Variants in SYT14 observed in about 807,000 individuals in gnomAD.
SYT14 encodes the protein synaptotagmin-14.
In SYT14, 32 loss-of-function variants were observed where a neutral mutation model predicts 74.2. The observed-to-expected ratio is 0.43, with a 90% CI of 0.33 to 0.58. The LOEUF (loss-of-function observed/expected upper bound fraction) is 0.58, where lower values mean the gene tolerates loss of function less well. Ranked by LOEUF, SYT14 falls within the 20% of genes least tolerant of loss-of-function variation. SYT14 has a pLI of 0.05. For synonymous variants in SYT14, 298 were observed against 337.7 expected (o/e 0.88, Z 1.29); for missense variants, 791 against 981.8 (o/e 0.81, Z 2.60).
At chr1:210,154,676 G>C (rs1307663626) in intron 7 of SYT14, among the ~76,000 whole-genome samples, 1 of 151,492 alleles carries the variant, frequency 6.6e-6, no homozygotes. Flanking sequence ...TTATCATTTA[G>C]TTACCTATGG....
intron 5 of SYT14, among the ~76,000 whole-genome samples, chr1:210,089,827 T>C (rs568644714): frequency 2.4e-4 from 36 of 152,184 alleles, no homozygotes; most frequent in Admixed American, 3.9e-4. Flanking sequence ...AATCAAGCAA[T>C]GAACGCATAG....
chr1:209,959,030 A>G (rs1035275880), intron 2 of SYT14, among the ~76,000 whole-genome samples: 7 of 152,354 alleles, frequency 4.6e-5, no homozygotes, highest in African/African-American at 1.7e-4. Context: ...TAGAGTTACC[A>G]TATAACCCAG....
At chr1:210,031,352 A>G (rs936031363) in intron 5 of SYT14, among the ~76,000 whole-genome samples, 5 of 151,714 alleles carry the variant, frequency 3.3e-5, no homozygotes, top group African/African-American at 1.2e-4. Flanking sequence ...GGATTTTTGA[A>G]TCTTTCTTCA....
At chr1:210,062,522 A>G (rs186139501) in intron 5 of SYT14, among the ~76,000 whole-genome samples, 1 of 152,014 alleles carries the variant, frequency 6.6e-6, no homozygotes, top group East Asian at 1.9e-4. Flanking sequence ...TGTTTCTAAC[A>G]TATTTTTCAA....
intron 6 of SYT14, among the ~76,000 whole-genome samples, chr1:210,095,302 G>C (rs2081949849): frequency 6.6e-6 from 1 of 152,172 alleles, no homozygotes; most frequent in African/African-American, 2.4e-5. Flanking sequence ...TTGAGACAGA[G>C]TCTGTCTCTG....
intron 7 of SYT14, among the ~76,000 whole-genome samples, chr1:210,131,383 T>C (rs1310862696): frequency 2.0e-5 from 3 of 152,102 alleles, no homozygotes; most frequent in Non-Finnish European, 4.4e-5. Context: ...CTTATTAATA[T>C]ATGTAGAACT....
intron 7 of SYT14, among the ~76,000 whole-genome samples, chr1:210,104,370 T>C (rs1335958907): frequency 6.6e-6 from 1 of 152,250 alleles, no homozygotes; most frequent in Admixed American, 6.5e-5. Flanking sequence ...TATTCCACTT[T>C]ATGAGTCAGA....
chr1:209,985,826 AG>A (rs1319973499), intron 2 of SYT14, among the ~76,000 whole-genome samples: 1 of 152,230 alleles, frequency 6.6e-6, no homozygotes, highest in Non-Finnish European at 1.5e-5. Context: ...GAAGCCTCCA[AG>A]GCTTACAGCT....
At chr1:210,159,184 TA>T (rs74911973) in intron 8 of SYT14, among the ~76,000 whole-genome samples, 1 of 151,878 alleles carries the variant, frequency 6.6e-6, no homozygotes, top group African/African-American at 2.4e-5. Flanking sequence ...TGTCCCCCTT[TA>T]AAAAAATGTA....
At chr1:209,981,403 T>C (rs1392869422) in intron 2 of SYT14, among the ~76,000 whole-genome samples, 1 of 151,840 alleles carries the variant, frequency 6.6e-6, no homozygotes, top group Non-Finnish European at 1.5e-5. Context: ...AATATGAAAT[T>C]CTTTGTTGAA....
chr1:209,945,583 A>T (rs1268237945), intron 1 of SYT14, among the ~76,000 whole-genome samples: 1 of 152,204 alleles, frequency 6.6e-6, no homozygotes, highest in Non-Finnish European at 1.5e-5. Flanking sequence ...GCTCTGACTA[A>T]TGCATGTGCT....
rs1049684710 is a variant in SYT14, at chr1:210,021,353, G to A, written c.1312+99G>A. ...ATCTGTGGTTGCAGAATAAACAAGAGAGCACATACAGTACAGTCACATTTC... is the reference window on the plus strand; with the variant it reads ...ATCTGTGGTTGCAGAATAAACAAGAAAGCACATACAGTACAGTCACATTTC... On this transcript the variant is annotated intron_variant, in intron 5 of 9. Coordinates refer to ENST00000637265, the Ensembl canonical transcript of SYT14. 1.1e-5 allele frequency: 12 copies of A among 1,079,686 alleles called. No homozygotes were observed. The African/African-American group carries it at 1.9e-4, about 17-fold the overall frequency. The allele number at this position is 1,079,686 out of a possible 1,614,324, so 66.9% of individuals were successfully genotyped here. A position where few individuals can be genotyped will look rare whatever the true frequency, so the allele number is the denominator to read the frequency against.
In SYT14 at chr1:209,974,975, T is replaced by C. The variant is rs558895567; in HGVS notation, c.-486+22219T>C. ...AGGTATTTTACTCTTTTTGAAGCAA[T>C]TGTGAATGGGAGTTCACTCATGATT... On this transcript the variant is annotated intron_variant, in intron 2 of 9. Coordinates refer to ENST00000637265, the Ensembl canonical transcript of SYT14. Among the ~76,000 whole-genome samples, 117 of 152,322 alleles carry C rather than the reference T, an allele frequency of 7.7e-4. 1 individual carries two copies. Among genetic ancestry groups the C allele is most frequent in the Non-Finnish European group, 4.1e-4 (28 of 68,028 alleles).
At chr1:210,016,453 T>C (rs2080185276) in exon 4 of SYT14, 1 of 1,232,004 alleles carries the variant, frequency 8.1e-7, no homozygotes, top group African/African-American at 1.6e-5. Flanking sequence ...TGAATAATGG[T>C]GGGATATCAG....
intron 7 of SYT14, among the ~76,000 whole-genome samples, chr1:210,123,067 G>T (rs1221246231): frequency 6.6e-6 from 1 of 152,200 alleles, no homozygotes; most frequent in Non-Finnish European, 1.5e-5. Context: ...ACAAGTCGTA[G>T]TATGTGTTAA....
intron 7 of SYT14, among the ~76,000 whole-genome samples, chr1:210,138,660 T>A (rs960483783): frequency 1.3e-5 from 2 of 152,236 alleles, no homozygotes. Context: ...TCACAGTCAC[T>A]GCTTTTTCTA....
rs539614800 is a variant in SYT14, at chr1:209,979,193, G to A, written c.-486+26437G>A. The stretch of plus-strand genomic sequence containing the variant: ...CTCGCCCTGCTTTGGCTCACGCTGG[G>A]TGCACTGCACCCACTGTCCTGCACC... On this transcript the variant is annotated intron_variant, in intron 2 of 9. Transcript: ENST00000637265. 9.8e-5 allele frequency among the ~76,000 whole-genome samples: 15 copies of A among 152,286 alleles called. 1 individual carries two copies. The East Asian group carries it at 1.4e-3, about 14-fold the overall frequency.
intron 2 of SYT14, among the ~76,000 whole-genome samples, chr1:209,977,043 G>C (rs1316145599): frequency 6.6e-6 from 1 of 151,086 alleles, no homozygotes; most frequent in South Asian, 2.1e-4. Flanking sequence ...CCTTTTTTTT[G>C]TTTTCCATTT....
At chr1:209,977,167 C>T (rs1224682376) in intron 2 of SYT14, among the ~76,000 whole-genome samples, 4 of 152,110 alleles carry the variant, frequency 2.6e-5, no homozygotes, top group African/African-American at 9.7e-5. Context: ...TCCAATTTGC[C>T]AGTCTGTGTC....
Sources: allele counts gnomAD v4.1 joint callset (sites outside exome capture counted in the v4.1 genomes callset), GRCh38; gene constraint gnomAD v4.1.1; transcripts MANE v1.5; gene names NCBI Gene and HGNC (gene_info 2026-07-23, HGNC 2026-07-21).